DSC2: variants seen among roughly 807,000 people sequenced by gnomAD.
The protein encoded by DSC2 is desmocollin-2.
Under a neutral mutation model 87.6 loss-of-function variants are expected in DSC2, and 51 were observed. The ratio of observed to expected loss-of-function variants is 0.58; its 90% confidence interval spans 0.46 to 0.74. The LOEUF (loss-of-function observed/expected upper bound fraction) is 0.74, where lower values mean the gene tolerates loss of function less well. DSC2 is among the 30% of genes least tolerant of loss of function. DSC2 has a pLI of 0.00. For missense variants in DSC2, 1,066 were observed against 1,089.5 expected (o/e 0.98, Z 0.30); for synonymous variants, 383 against 393.2 (o/e 0.97, Z 0.31).
At position 31,068,026 on chromosome 18, in the gene DSC2, T is replaced by A. The variant is rs754521188; in HGVS notation, c.2695A>T (p.Met899Leu). 5.0e-6 allele frequency: 8 copies of A among 1,613,910 alleles called. No individual in the cohort carries two copies. The Admixed American group carries it at 6.7e-5, about 13-fold the overall frequency. Residue 899 changes from methionine to leucine, a missense_variant, in exon 16 of 16, where the codon ATG (methionine) becomes TTG (leucine). Transcript: ENST00000280904. ...PKFRTLAEAC[M>L]KR Reference sequence around the variant, plus strand: ...TTATTAGAACACACTCATCTCTTCATGCATGCTTCTGCTAGTGTCCTAAAT... The same window carrying A: ...TTATTAGAACACACTCATCTCTTCAAGCATGCTTCTGCTAGTGTCCTAAAT...
intron 11 of DSC2, among the ~76,000 whole-genome samples, chr18:31,077,239 A>C (rs1338716877): frequency 1.3e-5 from 2 of 152,220 alleles, no homozygotes; most frequent in African/African-American, 4.8e-5. Context: ...TGTATCTGGC[A>C]TATGTTTCTA....
chr18:31,064,934 G>C lies in DSC2; in HGVS notation c.*3081C>G, dbSNP rs1470555980. 1 of 152,168 alleles carries C rather than the reference G, an allele frequency of 6.6e-6. No individual in the cohort carries two copies. Among genetic ancestry groups the C allele is most frequent in the Non-Finnish European group, 1.5e-5 (1 of 68,052 alleles). 9.4% of individuals were successfully genotyped at this position (152,168 alleles called of 1,614,324 possible). A position where few individuals can be genotyped will look rare whatever the true frequency, so the allele number is the denominator to read the frequency against. On this transcript the variant is annotated 3_prime_UTR_variant, in exon 16 of 16. Coordinates refer to ENST00000280904, the MANE Select transcript of DSC2 (RefSeq NM_024422.6). ...GGATCCAAGATAAAAACAGTCTTAA[G>C]ATGGGAATAAAGAAAAAGTAATGAT...
intron 15 of DSC2, 62 bp downstream of exon 15, chr18:31,068,832 T>C (rs1299313080): frequency 1.3e-6 from 2 of 1,578,568 alleles, no homozygotes; most frequent in African/African-American, 2.7e-5. Flanking sequence ...AGAATCCAGT[T>C]AGTTATTTAT....
chr18:31,079,230 T>C (rs1987122019), intron 11 of DSC2, among the ~76,000 whole-genome samples: 1 of 152,010 alleles, frequency 6.6e-6, no homozygotes, highest in Non-Finnish European at 1.5e-5. Flanking sequence ...GAAACAAGTT[T>C]TGTTTTTGTT....
rs746494016 is a variant in DSC2, at chr18:31,059,241, G to A, written c.*8774C>T. The stretch of plus-strand genomic sequence containing the variant: ...GCTAAAAAGTGAACACATTTAATTG[G>A]TTTAAACTTGCATTCATTATGCAAA... On this transcript the variant is annotated 3_prime_UTR_variant, in exon 16 of 16. Transcript: ENST00000280904. 4 of 152,166 alleles carry A rather than the reference G, an allele frequency of 2.6e-5. No individual in the cohort carries two copies. Among genetic ancestry groups the A allele is most frequent in the African/African-American group, 9.7e-5 (4 of 41,438 alleles). 9.4% of individuals were successfully genotyped at this position (152,166 alleles called of 1,614,324 possible).
At chr18:31,094,663 A>T (rs2144853185) in intron 1 of DSC2, among the ~76,000 whole-genome samples, 1 of 152,326 alleles carries the variant, frequency 6.6e-6, no homozygotes, top group Non-Finnish European at 1.5e-5. Context: ...AAAATCATCA[A>T]AATTTGGATG....
intron 1 of DSC2, chr18:31,101,237 G>C (rs1987937056): frequency 1.1e-5 from 11 of 985,196 alleles, no homozygotes; most frequent in Middle Eastern, 5.2e-4. Context: ...CTCGCCGGTC[G>C]ACAGTCCTCA....
At chr18:31,070,388 C>T (rs968041477) in intron 14 of DSC2, among the ~76,000 whole-genome samples, 7 of 152,010 alleles carry the variant, frequency 4.6e-5, no homozygotes, top group African/African-American at 7.3e-5. Context: ...TGTTGGTAAA[C>T]CGTGAATAAT....
intron 6 of DSC2, 28 bp downstream of exon 6, chr18:31,087,641 G>A: frequency 6.3e-7 from 1 of 1,598,546 alleles, no homozygotes; most frequent in East Asian, 2.3e-5. Flanking sequence ...CAGTTAATTT[G>A]CCATATATTG....
chr18:31,079,815 A>G, intron 11 of DSC2, 32 bp downstream of exon 11: 1 of 1,613,316 alleles, frequency 6.2e-7, no homozygotes, highest in South Asian at 1.1e-5. Context: ...TAGCCAAGGA[A>G]GTATGTAGCT....
intron 11 of DSC2, among the ~76,000 whole-genome samples, chr18:31,079,355 G>A (rs1425295230): frequency 6.6e-6 from 1 of 152,140 alleles, no homozygotes; most frequent in African/African-American, 2.4e-5. Context: ...CTGGGTTCAA[G>A]CAATTCTCCT....
chr18:31,100,701 A>C (rs1987913269), intron 1 of DSC2, among the ~76,000 whole-genome samples: 1 of 152,182 alleles, frequency 6.6e-6, no homozygotes, highest in South Asian at 2.1e-4. Flanking sequence ...AATTATACGA[A>C]TATTTCAGCC....
At chr18:31,081,857 G>A (rs1598582567) in intron 9 of DSC2, among the ~76,000 whole-genome samples, 1 of 151,932 alleles carries the variant, frequency 6.6e-6, no homozygotes, top group Non-Finnish European at 1.5e-5. Flanking sequence ...CTCTCCATGG[G>A]GCTGACCAAG....
intron 11 of DSC2, among the ~76,000 whole-genome samples, chr18:31,078,148 A>G (rs1390029526): frequency 6.6e-6 from 1 of 152,190 alleles, no homozygotes; most frequent in Non-Finnish European, 1.5e-5. Flanking sequence ...AGAGGTTTCC[A>G]TTAGGGAGTG....
intron 1 of DSC2, among the ~76,000 whole-genome samples, chr18:31,099,612 A>G (rs2144865419): frequency 6.6e-6 from 1 of 151,840 alleles, no homozygotes; most frequent in South Asian, 2.1e-4. Context: ...GGCGGGGGGG[A>G]GTGAATGTCA....
intron 1 of DSC2, among the ~76,000 whole-genome samples, chr18:31,098,656 T>C (rs1987840419): frequency 6.6e-6 from 1 of 151,972 alleles, no homozygotes; most frequent in African/African-American, 2.4e-5. Context: ...GGTTTTGCCA[T>C]GTTCCCCAGT....
At chr18:31,087,894 C>T in intron 5 of DSC2, 81 bp from the exon 6 acceptor site, 2 of 1,444,688 alleles carry the variant, frequency 1.4e-6, no homozygotes, top group East Asian at 2.3e-5. Flanking sequence ...TTGGCTTTAA[C>T]TTGGAGACTG....
intron 1 of DSC2, among the ~76,000 whole-genome samples, chr18:31,100,911 TG>T (rs1434850879): frequency 7.2e-5 from 11 of 152,042 alleles, no homozygotes; most frequent in Admixed American, 2.6e-4. Context: ...CTCCCGGCAT[TG>T]GCTTTTTGCG....
intron 13 of DSC2, among the ~76,000 whole-genome samples, chr18:31,071,391 G>GA (rs1254139178): frequency 3.3e-5 from 5 of 151,886 alleles, no homozygotes; most frequent in Non-Finnish European, 7.4e-5. Flanking sequence ...ACTAAAAGTA[G>GA]AAAAAATTAG....
Sources: gnomAD v4.1 joint callset for allele counts (sites outside exome capture counted in the v4.1 genomes callset) on GRCh38, gnomAD v4.1.1 for gene constraint, MANE v1.5 for transcripts, NCBI Gene and HGNC (gene_info 2026-07-23, HGNC 2026-07-21) for gene names.